The following NAA60 variants were observed in gnomAD, a reference collection of about 807,000 sequenced individuals.
NAA60 encodes the protein N-alpha-acetyltransferase 60, NatF catalytic subunit.
Under a neutral mutation model 26.1 loss-of-function variants are expected in NAA60, and 8 were observed. The ratio of observed to expected loss-of-function variants is 0.31; its 90% CI spans 0.18 to 0.55. The LOEUF (loss-of-function observed/expected upper bound fraction) is 0.55. Ranked by LOEUF, NAA60 falls within the 20% of genes least tolerant of loss-of-function variation. The pLI, the probability that NAA60 is intolerant of heterozygous loss-of-function variation, is 0.93. For missense variants in NAA60, 290 were observed against 311.3 expected (o/e 0.93, Z 0.51); for synonymous variants, 131 against 122.5 (o/e 1.07, Z -0.46).
At chr16:3,483,704 C>T in intron 6 of NAA60, 107 bp downstream of exon 6, 1 of 837,720 alleles carries the variant, frequency 1.2e-6, no homozygotes, top group Non-Finnish European at 1.9e-6. Flanking sequence ...GTTCAGGTGG[C>T]CAAGCTTATG....
intron 2 of NAA60, chr16:3,457,863 G>A: frequency 1.7e-6 from 1 of 595,828 alleles, no homozygotes; most frequent in Non-Finnish European, 2.1e-6. Context: ...GCCCTCACCA[G>A]TGCCCCGCAT....
At chr16:3,479,378 G>A in intron 3 of NAA60, 93 bp from the exon 4 acceptor site, 1 of 1,377,022 alleles carries the variant, frequency 7.3e-7, no homozygotes, top group Non-Finnish European at 1.0e-6. Flanking sequence ...AGGCAGAAGT[G>A]GCCCAGAGCT....
In NAA60 at chr16:3,443,725, G is replaced by A. The variant is rs1470908014; in HGVS notation, c.-189G>A. ...TCCTCCGTGAGCTCCGGGCCTGTTTGCCTGCTGAAGTAGAGTCTTAGGGTG... is the reference window on the plus strand; with the variant it reads ...TCCTCCGTGAGCTCCGGGCCTGTTTACCTGCTGAAGTAGAGTCTTAGGGTG... On this transcript the variant is annotated 5_prime_UTR_variant, in exon 1 of 8. Coordinates refer to ENST00000407558, the MANE Select transcript of NAA60 (RefSeq NM_001083601.3). The A allele has an allele frequency of 5.4e-6, 8 of 1,478,700 alleles. No individual in the cohort carries two copies. Among genetic ancestry groups the A allele is most frequent in the Non-Finnish European group, 7.2e-6 (8 of 1,117,344 alleles). The allele number at this position is 1,478,700 out of a possible 1,614,324, so 91.6% of individuals were successfully genotyped here. A position where few individuals can be genotyped will look rare whatever the true frequency, so the allele number is the denominator to read the frequency against.
At chr16:3,479,446 C>T in intron 3 of NAA60, 25 bp from the exon 4 acceptor site, 1 of 1,610,880 alleles carries the variant, frequency 6.2e-7, no homozygotes, top group Non-Finnish European at 8.5e-7. Context: ...GTGGCAGGTT[C>T]ACCTGAGTAT....
At chr16:3,479,880 T>A (rs762873632) in intron 4 of NAA60, among the ~76,000 whole-genome samples, 17 of 152,210 alleles carry the variant, frequency 1.1e-4, no homozygotes, top group Non-Finnish European at 2.4e-4. Flanking sequence ...ATTGAGAATC[T>A]GCAGTTACAA....
At chr16:3,457,377 G>T (rs1324422925) in intron 2 of NAA60, among the ~76,000 whole-genome samples, 1 of 152,216 alleles carries the variant, frequency 6.6e-6, no homozygotes. Context: ...CTGAGGCGGA[G>T]GCCAGGAGTT....
rs190807192 is a variant in NAA60 at position 3,466,329 on chromosome 16, C to A, written c.-6-9893C>A. On this transcript the variant is annotated intron_variant, in intron 2 of 7. Transcript: ENST00000407558. The stretch of plus-strand genomic sequence containing the variant: ...TTGGAAATAGAGTGGTGGGTGTTTG[C>A]TTCTTGTCACCCGGCAAATGATTCA... 3.9e-5 allele frequency among the ~76,000 whole-genome samples: 6 copies of A among 152,326 alleles called. No homozygotes were observed. In the East Asian group the frequency reaches 1.2e-3, roughly 29 times the overall value.
intron 2 of NAA60, among the ~76,000 whole-genome samples, chr16:3,467,178 GAGGT>G (rs1317254498): frequency 6.6e-6 from 1 of 152,178 alleles, no homozygotes; most frequent in East Asian, 1.9e-4. Flanking sequence ...CAGCGATCCT[GAGGT>G]AGGTGGGAGA....
intron 2 of NAA60, chr16:3,448,881 A>C: frequency 1.4e-5 from 3 of 217,098 alleles, no homozygotes; most frequent in Non-Finnish European, 2.8e-5. Flanking sequence ...GGAGAACGAG[A>C]CTCTCCCAGT....
chr16:3,471,557 A>T, intron 2 of NAA60, among the ~76,000 whole-genome samples: 1 of 152,094 alleles, frequency 6.6e-6, no homozygotes, highest in Non-Finnish European at 1.5e-5. Context: ...TCAGGAAGTC[A>T]TCCCTGCCCC....
chr16:3,458,846 G>A (rs2035184408), intron 2 of NAA60, among the ~76,000 whole-genome samples: 1 of 152,176 alleles, frequency 6.6e-6, no homozygotes, highest in South Asian at 2.1e-4. Context: ...ACTTCCCAGG[G>A]AGTAAAGGGA....
intron 2 of NAA60, among the ~76,000 whole-genome samples, chr16:3,458,715 C>T (rs140583430): frequency 2.4e-4 from 37 of 152,312 alleles, no homozygotes; most frequent in Middle Eastern, 3.4e-3. Context: ...GTCTAGGTCT[C>T]CTCCTAGTCT....
intron 2 of NAA60, among the ~76,000 whole-genome samples, chr16:3,452,564 G>C (rs142003466): frequency 0.018 from 2,785 of 151,748 alleles, 83 homozygotes; most frequent in African/African-American, 0.061. Context: ...GCTGAGGCAC[G>C]AGAATCACTT....
chr16:3,480,642 G>GCA (rs1567397599), intron 4 of NAA60, among the ~76,000 whole-genome samples: 2 of 147,716 alleles, frequency 1.4e-5, no homozygotes, highest in African/African-American at 5.0e-5. Flanking sequence ...GAAGGCCTGG[G>GCA]CACAGTGGCT....
At chr16:3,451,224 C>T (rs1420569933) in intron 2 of NAA60, among the ~76,000 whole-genome samples, 26 of 152,130 alleles carry the variant, frequency 1.7e-4, no homozygotes, top group Admixed American at 1.7e-3. Flanking sequence ...GTATCTAAGC[C>T]CAGCCTCCAT....
At chr16:3,455,630 C>T (rs1007412277) in intron 2 of NAA60, among the ~76,000 whole-genome samples, 2 of 151,038 alleles carry the variant, frequency 1.3e-5, no homozygotes, top group African/African-American at 4.9e-5. Context: ...CTCCTGACCT[C>T]GTGATCCGCC....
intron 2 of NAA60, among the ~76,000 whole-genome samples, chr16:3,464,547 G>T (rs1407349884): frequency 6.6e-6 from 1 of 152,144 alleles, no homozygotes; most frequent in Non-Finnish European, 1.5e-5. Context: ...TTCCTAGGCG[G>T]TACAGAGGGT....
At chr16:3,447,014 G>GT (rs1402736865) in intron 1 of NAA60, among the ~76,000 whole-genome samples, 1 of 151,496 alleles carries the variant, frequency 6.6e-6, no homozygotes, top group Non-Finnish European at 1.5e-5. Context: ...GCGAATTTTT[G>GT]TATTTTTAGT....
chr16:3,452,291 T>TC (rs1395523740), intron 2 of NAA60, among the ~76,000 whole-genome samples: 1 of 152,172 alleles, frequency 6.6e-6, no homozygotes, highest in Non-Finnish European at 1.5e-5. Context: ...TGTAGAGTCT[T>TC]CACACTCTTG....
Sources: gnomAD v4.1 joint callset for allele counts (sites outside exome capture counted in the v4.1 genomes callset) on GRCh38, gnomAD v4.1.1 for gene constraint, MANE v1.5 for transcripts, NCBI Gene and HGNC (gene_info 2026-07-23, HGNC 2026-07-21) for gene names.